Variants in CNBD1 observed in about 807,000 individuals in gnomAD.
The protein encoded by CNBD1 is cyclic nucleotide binding domain containing 1.
Under a neutral mutation model 54.4 loss-of-function variants are expected in CNBD1, and 71 were observed. That is an observed-to-expected ratio of 1.30 (90% CI 1.08 to 1.59). The LOEUF is 1.59. Ranked by LOEUF, CNBD1 falls within the 40% of genes most tolerant of loss-of-function variation. CNBD1 has a pLI of 0.00. For synonymous variants in CNBD1, 182 were observed against 170.7 expected, an observed-to-expected ratio of 1.07 and a Z score of -0.51; for missense variants, 659 against 518.0, an observed-to-expected ratio of 1.27 and a Z score of -2.64.
intron 6 of CNBD1, among the ~76,000 whole-genome samples, chr8:87,259,529 G>A (rs1417686500): frequency 2.0e-5 from 3 of 152,064 alleles, no homozygotes; most frequent in Non-Finnish European, 4.4e-5. Flanking sequence ...AGACATTACT[G>A]TTTTTATTTC....
intron 6 of CNBD1, among the ~76,000 whole-genome samples, chr8:87,273,565 A>G (rs1383378617): frequency 6.6e-6 from 1 of 152,046 alleles, no homozygotes; most frequent in African/African-American, 2.4e-5. Context: ...AATAGGATGC[A>G]GCCTGAGCTG....
chr8:87,374,016 C>G (rs1402976367), intron 10 of CNBD1, among the ~76,000 whole-genome samples: 1 of 151,668 alleles, frequency 6.6e-6, no homozygotes, highest in South Asian at 2.1e-4. Context: ...TACAACTAGG[C>G]TTTTATAGTA....
chr8:87,165,372 A>G (rs1393035835), intron 4 of CNBD1, among the ~76,000 whole-genome samples: 1 of 151,922 alleles, frequency 6.6e-6, no homozygotes, highest in Admixed American at 6.6e-5. Flanking sequence ...CCCTACTGTT[A>G]TTATATTGCT....
intron 3 of CNBD1, among the ~76,000 whole-genome samples, chr8:86,915,548 A>G (rs1809170708): frequency 6.6e-6 from 1 of 152,226 alleles, no homozygotes; most frequent in Non-Finnish European, 1.5e-5. Context: ...GCCCAGGAAC[A>G]ATTAAGGGCA....
chr8:87,306,492 C>T (rs1450725519), intron 8 of CNBD1, among the ~76,000 whole-genome samples: 1 of 152,130 alleles, frequency 6.6e-6, no homozygotes, highest in African/African-American at 2.4e-5. Flanking sequence ...ATCATGGAAC[C>T]AATCCAAATG....
At chr8:86,870,206 T>TTTTTTTTTTTTTTTTG (rs1808423447) in intron 1 of CNBD1, among the ~76,000 whole-genome samples, 1 of 148,368 alleles carries the variant, frequency 6.7e-6, no homozygotes, top group African/African-American at 2.5e-5. Context: ...TTTTTTTTTC[T>TTTTTTTTTTTTTTTTG]GAGACGGAAT....
intron 4 of CNBD1, among the ~76,000 whole-genome samples, chr8:87,192,107 G>A (rs941540866): frequency 1.7e-4 from 26 of 152,160 alleles, no homozygotes; most frequent in African/African-American, 6.3e-4. Context: ...GTCATACAAA[G>A]GGGTGAAAAT....
chr8:87,178,349 C>G (rs1304269855), intron 4 of CNBD1, among the ~76,000 whole-genome samples: 1 of 152,098 alleles, frequency 6.6e-6, no homozygotes, highest in African/African-American at 2.4e-5. Context: ...GACATTTGAG[C>G]AGAAACATGA....
At chr8:87,428,566 C>A in exon 3 of CNBD1, 2 of 453,738 alleles carry the variant, frequency 4.4e-6, no homozygotes, top group Admixed American at 2.4e-5. Flanking sequence ...AGTGACCAAG[C>A]AACTTATGCT....
chr8:87,051,419 C>G (rs2130624130), intron 4 of CNBD1, among the ~76,000 whole-genome samples: 1 of 152,158 alleles, frequency 6.6e-6, no homozygotes, highest in South Asian at 2.1e-4. Flanking sequence ...CCCAGCAGCA[C>G]TAGAGGAATT....
chr8:87,164,576 G>A (rs1207583151), intron 4 of CNBD1, among the ~76,000 whole-genome samples: 3 of 151,326 alleles, frequency 2.0e-5, no homozygotes, highest in Non-Finnish European at 4.4e-5. Context: ...CAATTTGTTG[G>A]CATATAATTG....
At chr8:86,991,488 G>A (rs1403572514) in intron 4 of CNBD1, among the ~76,000 whole-genome samples, 3 of 151,902 alleles carry the variant, frequency 2.0e-5, no homozygotes, top group Non-Finnish European at 4.4e-5. Context: ...TGATATTTGT[G>A]TGGAATTTTG....
At chr8:86,991,776 A>G (rs527820888) in intron 4 of CNBD1, among the ~76,000 whole-genome samples, 11 of 152,236 alleles carry the variant, frequency 7.2e-5, no homozygotes, top group African/African-American at 2.6e-4. Context: ...GTTCAGCCAG[A>G]AGTTATTCAG....
chr8:87,227,992 C>G (rs1212833090), intron 5 of CNBD1, among the ~76,000 whole-genome samples: 2,200 of 150,726 alleles, frequency 0.015, 71 homozygotes, highest in African/African-American at 0.052. Flanking sequence ...TCATTCATTT[C>G]ATTTTCCATC....
intron 1 of CNBD1, among the ~76,000 whole-genome samples, chr8:86,885,204 C>CA (rs1359386538): frequency 3.9e-5 from 6 of 152,182 alleles, no homozygotes; most frequent in African/African-American, 1.4e-4. Flanking sequence ...TATATGCACA[C>CA]ATATGAAGAT....
rs1387640810 is a variant in CNBD1 at position 87,172,610 on chromosome 8, GT to G, written c.432-33380del. On this transcript the variant is annotated intron_variant, in intron 4 of 10. Transcript: ENST00000518476. ...TTATATATTCTTGCTGAATTGACCTGTTTATCATTATATAATGATCTTCTTT... is the reference window on the plus strand; with the variant it reads ...TTATATATTCTTGCTGAATTGACCTGTTATCATTATATAATGATCTTCTTT... Among the ~76,000 whole-genome samples, 4 of 151,780 alleles carry G rather than the reference GT, an allele frequency of 2.6e-5. No homozygotes were observed. In the East Asian group the frequency reaches 5.8e-4, roughly 22 times the overall value.
chr8:86,988,852 T>C (rs1483691334), intron 4 of CNBD1, among the ~76,000 whole-genome samples: 1 of 152,220 alleles, frequency 6.6e-6, no homozygotes, highest in East Asian at 1.9e-4. Flanking sequence ...CGACAGGATC[T>C]CATCCTTTTT....
intron 6 of CNBD1, among the ~76,000 whole-genome samples, chr8:87,257,432 A>T (rs1808046034): frequency 6.7e-6 from 1 of 150,366 alleles, no homozygotes; most frequent in South Asian, 2.1e-4. Flanking sequence ...TTATGTGGCC[A>T]ATCAGGTAGC....
chr8:87,262,554 A>C (rs1319165709), intron 6 of CNBD1, among the ~76,000 whole-genome samples: 16 of 152,116 alleles, frequency 1.1e-4, no homozygotes, highest in Admixed American at 9.2e-4. Flanking sequence ...GAAAAGGTAA[A>C]TTTGCTCTCT....
Sources: allele counts gnomAD v4.1 joint callset (sites outside exome capture counted in the v4.1 genomes callset), GRCh38; gene constraint gnomAD v4.1.1; transcripts MANE v1.5; gene names NCBI Gene and HGNC (gene_info 2026-07-23, HGNC 2026-07-21).